Variants in RASA3 observed in about 807,000 individuals in gnomAD.
The protein encoded by RASA3 is RAS p21 protein activator 3, also known as ras GTPase-activating protein 3.
A neutral mutation model predicts 110.0 loss-of-function variants in RASA3; 73 were observed. That is an observed-to-expected ratio of 0.66 (90% CI 0.55 to 0.81). The LOEUF (loss-of-function observed/expected upper bound fraction) is 0.81. Among genes scored for constraint, RASA3 ranks in the 30% least tolerant of loss-of-function variants. The pLI is 0.00. For synonymous variants in RASA3, 500 were observed against 451.4 expected (o/e 1.11, Z -1.37); for missense variants, 976 against 1,113.2 (o/e 0.88, Z 1.75).
intron 3 of RASA3, among the ~76,000 whole-genome samples, chr13:114,043,526 C>G (rs1394848532): frequency 6.6e-6 from 1 of 152,144 alleles, no homozygotes; most frequent in East Asian, 1.9e-4. Flanking sequence ...AGCACACAGG[C>G]ACTCATGGGT....
chr13:114,128,272 C>A (rs1039950720), intron 1 of RASA3, among the ~76,000 whole-genome samples: 5 of 152,252 alleles, frequency 3.3e-5, no homozygotes, highest in Non-Finnish European at 7.3e-5. Flanking sequence ...CAAAACACTT[C>A]TCTTACCTGA....
At chr13:114,097,348 C>A (rs1040710533) in intron 1 of RASA3, among the ~76,000 whole-genome samples, 1 of 152,212 alleles carries the variant, frequency 6.6e-6, no homozygotes, top group Non-Finnish European at 1.5e-5. Flanking sequence ...GCAACCTGCC[C>A]GGCTATGCTG....
At chr13:114,003,140 C>T (rs1390155902) in intron 18 of RASA3, among the ~76,000 whole-genome samples, 1 of 152,222 alleles carries the variant, frequency 6.6e-6, no homozygotes, top group African/African-American at 2.4e-5. Flanking sequence ...CCGAGGGTGG[C>T]CCTAGGTTTG....
intron 3 of RASA3, among the ~76,000 whole-genome samples, chr13:114,043,290 G>A (rs1169672037): frequency 1.3e-5 from 2 of 152,216 alleles, no homozygotes; most frequent in Non-Finnish European, 2.9e-5. Flanking sequence ...AGTGCCCAAA[G>A]GAGAGAGACG....
At position 114,021,445 on chromosome 13, in the gene RASA3, G is replaced by A. The variant is rs1396025835; in HGVS notation, c.744C>T (p.Ile248=). The A allele has an allele frequency of 1.2e-6, 2 of 1,614,012 alleles. No homozygotes were observed. Among genetic ancestry groups the A allele is most frequent in the Middle Eastern group, 1.6e-4 (1 of 6,062 alleles). The part of the protein sequence containing the change: ...FGDEFLGELR[I]PLKVLRQSSS... ...TGGACTGCCGCAGGACTTTCAACGG[G>A]ATCCTTAGTTCTCCCAGGAATTCAT... The change falls in exon 9 of 24, where the codon ATC becomes ATT. Residue 248 remains isoleucine, a synonymous_variant. Coordinates refer to ENST00000334062, the MANE Select transcript of RASA3 (RefSeq NM_007368.4).
rs114088441 is a variant in RASA3 at position 114,088,444 on chromosome 13, C to T, written c.56-14607G>A. Among the ~76,000 whole-genome samples, 472 of 152,336 alleles carry T rather than the reference C, an allele frequency of 3.1e-3. 5 individuals are homozygous for T. Among genetic ancestry groups the T allele is most frequent in the African/African-American group, 0.011 (444 of 41,560 alleles). On this transcript the variant is annotated intron_variant, in intron 1 of 23. Transcript: ENST00000334062. ...CTCTTGGGCTCCTTCAAGTGTAAGC[C>T]TCTTGCCCCCTAGGGAAAGGAATGC...
At position 114,017,257 on chromosome 13, in the gene RASA3, G is replaced by C; in HGVS notation, c.1186C>G (p.Leu396Val). 3 of 1,613,742 alleles carry C rather than the reference G, an allele frequency of 1.9e-6. No individual in the cohort carries two copies. Among genetic ancestry groups the C allele is most frequent in the Non-Finnish European group, 2.5e-6 (3 of 1,179,990 alleles). ...CTCACCTCCTCGATGGCGGGCTTCAGGGTGACATGCAGGTAATGCATCCCC... is the reference window on the plus strand; with the variant it reads ...CTCACCTCCTCGATGGCGGGCTTCACGGTGACATGCAGGTAATGCATCCCC... ...LAGMHYLHVTLKPAIEEICQS... is the reference protein window; with the variant it reads ...LAGMHYLHVTVKPAIEEICQS... Residue 396 changes from leucine (L) to valine (V), a missense_variant, in exon 12 of 24, where the codon CTG becomes GTG. Transcript: ENST00000334062.
At chr13:114,102,186 G>A (rs1403238006) in intron 1 of RASA3, among the ~76,000 whole-genome samples, 1 of 152,168 alleles carries the variant, frequency 6.6e-6, no homozygotes, top group Non-Finnish European at 1.5e-5. Context: ...AGAGAGACGG[G>A]GGCTGTGAAG....
chr13:114,051,320 T>G (rs1440852651), intron 3 of RASA3, among the ~76,000 whole-genome samples: 1 of 152,198 alleles, frequency 6.6e-6, no homozygotes, highest in Non-Finnish European at 1.5e-5. Flanking sequence ...GGACCCCTCC[T>G]CCCTTCCTGG....
At chr13:114,061,243 C>T (rs1260330748) in intron 2 of RASA3, among the ~76,000 whole-genome samples, 1 of 151,830 alleles carries the variant, frequency 6.6e-6, no homozygotes, top group African/African-American at 2.4e-5. Flanking sequence ...GCGCGGGGCT[C>T]CCTCCGCCAT....
chr13:114,029,928 G>A, intron 4 of RASA3, 41 bp from the exon 5 acceptor site: 1 of 1,514,574 alleles, frequency 6.6e-7, no homozygotes. Flanking sequence ...CTGTGGCGCT[G>A]CTCCCACAGG....
At chr13:114,091,755 ATT>A (rs2079891798) in intron 1 of RASA3, among the ~76,000 whole-genome samples, 1 of 151,814 alleles carries the variant, frequency 6.6e-6, no homozygotes, top group South Asian at 2.1e-4. Flanking sequence ...CCTTCTCTCC[ATT>A]TGTTTGGATT....
At chr13:114,024,079 G>A (rs904223415) in intron 8 of RASA3, among the ~76,000 whole-genome samples, 200 bp downstream of exon 8, 1 of 152,208 alleles carries the variant, frequency 6.6e-6, no homozygotes, top group Non-Finnish European at 1.5e-5. Flanking sequence ...TCGCCTCTTC[G>A]CAGGTATTGC....
intron 1 of RASA3, among the ~76,000 whole-genome samples, chr13:114,109,165 G>A (rs1302192519): frequency 2.6e-5 from 4 of 152,186 alleles, no homozygotes; most frequent in South Asian, 2.1e-4. Flanking sequence ...CCCCGAACAC[G>A]ACCGGCTCCG....
intron 5 of RASA3, 87 bp downstream of exon 5, chr13:114,029,724 G>T: frequency 8.1e-7 from 1 of 1,234,476 alleles, no homozygotes; most frequent in Non-Finnish European, 1.1e-6. Flanking sequence ...AAATTCTTGT[G>T]CGTTGGTGTG....
intron 15 of RASA3, among the ~76,000 whole-genome samples, chr13:114,012,646 ATTCCACACGCC>A (rs2053662491): frequency 8.2e-6 from 1 of 121,574 alleles, no homozygotes; most frequent in Non-Finnish European, 1.8e-5. Context: ...CACACTCCCC[ATTCCACACGCC>A]TTCCACACTC....
In RASA3 at chr13:114,112,930, C is replaced by T. The variant is rs2080237389; in HGVS notation, c.55+19505G>A. On this transcript the variant is annotated intron_variant, in intron 1 of 23. Coordinates refer to ENST00000334062, the MANE Select transcript of RASA3 (RefSeq NM_007368.4). The surrounding 1 kb of genome is among the most constrained non-coding windows in gnomAD (Gnocchi z 4.8). ...GGGAAGGTGCTTAGCTCAGGGAGGG[C>T]TGGAGGGTGGGACTAGGAGGCACTA... Among the ~76,000 whole-genome samples, 2 of 152,082 alleles carry T rather than the reference C, an allele frequency of 1.3e-5. No homozygotes were observed. The highest frequency in any genetic ancestry group is 4.8e-5 in the African/African-American group (2 of 41,418).
chr13:114,099,985 T>C (rs1413046127), intron 1 of RASA3, among the ~76,000 whole-genome samples: 2 of 89,142 alleles, frequency 2.2e-5, no homozygotes, highest in Non-Finnish European at 4.5e-5. Flanking sequence ...ACACGCACAG[T>C]TTTATCTCCT....
In RASA3 at chr13:114,048,874, T is replaced by G. The variant is rs944996495; in HGVS notation, c.277+3178A>C. Among the ~76,000 whole-genome samples the G allele has an allele frequency of 6.8e-6, 1 of 147,896 alleles. No individual in the cohort carries two copies. Among genetic ancestry groups the G allele is most frequent in the African/African-American group, 2.5e-5 (1 of 40,440 alleles). Reference sequence around the variant, plus strand: ...ACTGCAGCCGGTGGAGGTGCCGGGGTGGGCTGGGGAGGGCTGAGGGCAGGC... The same window carrying G: ...ACTGCAGCCGGTGGAGGTGCCGGGGGGGGCTGGGGAGGGCTGAGGGCAGGC... On this transcript the variant is annotated intron_variant, in intron 3 of 23. Transcript: ENST00000334062. The surrounding 1 kb of genome is among the most constrained non-coding windows in gnomAD (Gnocchi z 4.3).
Sources: gnomAD v4.1 joint callset for allele counts (sites outside exome capture counted in the v4.1 genomes callset) on GRCh38, gnomAD v4.1.1 for gene constraint, Gnocchi (gnomAD v3.1) non-coding constraint, MANE v1.5 for transcripts, NCBI Gene and HGNC (gene_info 2026-07-23, HGNC 2026-07-21) for gene names.